TENM4: variants seen among roughly 807,000 people sequenced by gnomAD.
The protein encoded by TENM4 is teneurin transmembrane protein 4.
Under a neutral mutation model 243.3 loss-of-function variants are expected in TENM4, and 82 were observed. The ratio of observed to expected loss-of-function variants is 0.34; its 90% CI spans 0.28 to 0.40. The LOEUF is 0.40. Among genes scored for constraint, TENM4 ranks in the 10% least tolerant of loss-of-function variants. TENM4 has a pLI of 1.00. For missense variants in TENM4, 3,138 were observed against 3,673.3 expected, an observed-to-expected ratio of 0.85 and a Z score of 3.77; for synonymous variants, 1,412 against 1,456.3, an observed-to-expected ratio of 0.97 and a Z score of 0.69.
intron 6 of TENM4, among the ~76,000 whole-genome samples, chr11:79,040,920 C>T (rs1342798479): frequency 6.6e-6 from 1 of 152,124 alleles, no homozygotes; most frequent in Non-Finnish European, 1.5e-5. Context: ...CAGGCACAAC[C>T]CCAGAACTTG....
intron 1 of TENM4, among the ~76,000 whole-genome samples, chr11:79,385,937 C>T (rs1470538958): frequency 3.3e-5 from 5 of 152,182 alleles, no homozygotes; most frequent in African/African-American, 1.2e-4. Context: ...CTCTATTAAA[C>T]AGCACAGAAC....
chr11:78,664,121 G>T (rs1858094387), intron 32 of TENM4, among the ~76,000 whole-genome samples: 1 of 152,166 alleles, frequency 6.6e-6, no homozygotes, highest in Admixed American at 6.5e-5. Context: ...ACCTCTTTGA[G>T]ATTTAGTTTC....
rs752550989 is a variant in TENM4, at chr11:78,722,854, C to A, written c.3614G>T (p.Ser1205Ile). ...FVSQQPPVIG[S>I]IMGNGRRRSI... is the part of the protein sequence containing the mutation. Reference sequence around the variant, plus strand: ...TCTCCGGCGCCCATTGCCCATGATGCTCCCAATGACAGGAGGCTGCTGAGA... The same window carrying A: ...TCTCCGGCGCCCATTGCCCATGATGATCCCAATGACAGGAGGCTGCTGAGA... The change falls in exon 24 of 34, where the codon AGC becomes ATC. Residue 1205 changes from serine (S) to isoleucine (I), a missense_variant. Ser to Ile is a moderately radical substitution (Grantham distance 142). Transcript: ENST00000278550. 6 of 1,614,072 alleles carry A rather than the reference C, an allele frequency of 3.7e-6. No individual in the cohort carries two copies. The highest frequency in any genetic ancestry group is 5.1e-6 in the Non-Finnish European group (6 of 1,179,902).
chr11:79,200,946 G>A (rs893898673), intron 3 of TENM4, among the ~76,000 whole-genome samples: 1 of 152,210 alleles, frequency 6.6e-6, no homozygotes, highest in African/African-American at 2.4e-5. Flanking sequence ...CCAGCAGAAA[G>A]TATGCTTGAA....
At chr11:79,424,067 T>C (rs567710592) in intron 1 of TENM4, among the ~76,000 whole-genome samples, 27 of 152,318 alleles carry the variant, frequency 1.8e-4, no homozygotes, top group African/African-American at 5.3e-4. Flanking sequence ...AAGATGGAAC[T>C]AATACCAAGA....
chr11:79,069,878 T>G lies in TENM4; in HGVS notation c.67A>C (p.Thr23Pro). Residue 23 changes from threonine (T) to proline (P), a missense_variant, in exon 5 of 34, where the codon ACC (threonine) becomes CCC (proline). Physicochemically the swap from Thr to Pro is conservative, Grantham distance 38. Transcript: ENST00000278550. ...TRRRDAERRYTSSSADSEEGK... is the reference protein window; with the variant it reads ...TRRRDAERRYPSSSADSEEGK... ...TCCTCGCTGTCCGCGGACGAGCTGG[T>G]GTAGCGGCGCTCGGCGTCGCGGCGC... The G allele has an allele frequency of 6.5e-7, 1 of 1,549,658 alleles. No individual in the cohort carries two copies. Among genetic ancestry groups the G allele is most frequent in the Non-Finnish European group, 8.7e-7 (1 of 1,146,828 alleles).
chr11:78,710,946 G>C (rs1351473360), intron 26 of TENM4, among the ~76,000 whole-genome samples: 1 of 152,220 alleles, frequency 6.6e-6, no homozygotes, highest in Non-Finnish European at 1.5e-5. Context: ...TTAAACCTAA[G>C]AGAGTAGAAT....
In TENM4 at chr11:78,672,056, A is replaced by G. The variant is rs1356083405; in HGVS notation, c.5770T>C (p.Trp1924Arg). 11 of 1,613,898 alleles carry G rather than the reference A, an allele frequency of 6.8e-6. No homozygotes were observed. The highest frequency in any genetic ancestry group is 3.3e-5 in the South Asian group (3 of 91,020). Residue 1924 changes from tryptophan to arginine, a missense_variant, in exon 31 of 34, where the codon TGG becomes CGG. Transcript: ENST00000278550. The part of the protein sequence containing the change: ...TSRIFADGKT[W>R]SYTYLEKSMV... ...GCCTTCTCTAAGTATGTGTAGCTCC[A>G]TGTCTTCCCATCAGCGAAGATCCTG...
chr11:79,110,152 C>A (rs1428237098), intron 4 of TENM4, among the ~76,000 whole-genome samples: 1 of 152,184 alleles, frequency 6.6e-6, no homozygotes, highest in Admixed American at 6.5e-5. Context: ...AAACTTTGTG[C>A]AACTCCATCA....
chr11:79,139,823 A>AT lies in TENM4; in HGVS notation c.-66+8886dup, dbSNP rs1156891114. On this transcript the variant is annotated intron_variant, in intron 4 of 33. Transcript: ENST00000278550. ...AATATATAATATATATTTTATATTTATATATAATACATAGATTATGTAATA... is the reference window on the plus strand; with the variant it reads ...AATATATAATATATATTTTATATTTATTATATAATACATAGATTATGTAATA... Among the ~76,000 whole-genome samples, 72 of 130,696 alleles carry AT rather than the reference A, an allele frequency of 5.5e-4. 3 individuals are homozygous for AT. The highest frequency in any genetic ancestry group is 2.1e-3 in the African/African-American group (71 of 33,828). The allele number at this position is 130,696 out of a possible 152,430, so 85.7% of individuals were successfully genotyped here.
intron 1 of TENM4, among the ~76,000 whole-genome samples, chr11:79,391,977 T>C (rs544737470): frequency 6.6e-6 from 1 of 152,292 alleles, no homozygotes; most frequent in South Asian, 2.1e-4. Flanking sequence ...AAAATCAATA[T>C]ATTATTGGGA....
rs762134867 is a variant in TENM4, at chr11:78,732,595, G to A, written c.2877-18C>T. 11 of 1,581,666 alleles carry A rather than the reference G, an allele frequency of 7.0e-6. No individual in the cohort carries two copies. In the South Asian group the frequency reaches 1.3e-4, roughly 18 times the overall value. On this transcript the variant is annotated intron_variant, in intron 20 of 33. Coordinates refer to ENST00000278550, the MANE Select transcript of TENM4 (RefSeq NM_001098816.3). ...AGTCAAAGCTGTTTGGGAGGGGAAGGTTGAGAAGGGGCGGGGAGCAGGAAG... is the reference window on the plus strand; with the variant it reads ...AGTCAAAGCTGTTTGGGAGGGGAAGATTGAGAAGGGGCGGGGAGCAGGAAG...
At chr11:78,740,820 G>A (rs183412984) in intron 19 of TENM4, among the ~76,000 whole-genome samples, 145 of 152,300 alleles carry the variant, frequency 9.5e-4, no homozygotes, top group African/African-American at 3.2e-3. Context: ...AGCCTCCTCT[G>A]ATTGATCTCT....
intron 6 of TENM4, among the ~76,000 whole-genome samples, chr11:79,033,674 G>A (rs1859305157): frequency 6.6e-6 from 1 of 152,188 alleles, no homozygotes; most frequent in Non-Finnish European, 1.5e-5. Context: ...TCCCATAAGA[G>A]CTTCAGTCCA....
At chr11:78,752,288 A>G (rs1362668316) in intron 19 of TENM4, among the ~76,000 whole-genome samples, 2 of 152,230 alleles carry the variant, frequency 1.3e-5, no homozygotes, top group East Asian at 3.9e-4. Context: ...TGAGGAAGTG[A>G]GTCTTGGGGA....
chr11:78,940,003 A>C (rs1856855770), intron 6 of TENM4, among the ~76,000 whole-genome samples: 1 of 152,138 alleles, frequency 6.6e-6, no homozygotes, highest in Non-Finnish European at 1.5e-5. Flanking sequence ...AGAAAAAAGT[A>C]CAAAGGAAAA....
At chr11:79,235,754 C>T (rs987201263) in intron 2 of TENM4, among the ~76,000 whole-genome samples, 1 of 152,118 alleles carries the variant, frequency 6.6e-6, no homozygotes, top group Admixed American at 6.6e-5. Context: ...GATCACTGGT[C>T]TGTGGCTCTA....
chr11:78,961,003 A>T (rs1387799890), intron 6 of TENM4, among the ~76,000 whole-genome samples: 1 of 152,238 alleles, frequency 6.6e-6, no homozygotes, highest in Non-Finnish European at 1.5e-5. Context: ...CCCTTGAAGA[A>T]ATAAGCCTGG....
At chr11:79,101,896 C>T (rs376613598) in intron 4 of TENM4, among the ~76,000 whole-genome samples, 6 of 152,170 alleles carry the variant, frequency 3.9e-5, no homozygotes, top group African/African-American at 1.2e-4. Flanking sequence ...GTGCACTTGG[C>T]AGCTGTCTTC....
Sources: gnomAD v4.1 joint callset for allele counts (sites outside exome capture counted in the v4.1 genomes callset) on GRCh38, gnomAD v4.1.1 for gene constraint, MANE v1.5 for transcripts, NCBI Gene and HGNC (gene_info 2026-07-23, HGNC 2026-07-21) for gene names.